Variants in ELFN1 observed in about 807,000 individuals in gnomAD.
The protein encoded by ELFN1 is extracellular leucine rich repeat and fibronectin type III domain containing 1.
In ELFN1, 6 loss-of-function variants were observed where a neutral mutation model predicts 7.6. That is an observed-to-expected ratio of 0.79 (90% CI 0.43 to 1.56). The LOEUF (loss-of-function observed/expected upper bound fraction) is 1.56, where lower values mean the gene tolerates loss of function less well. Ranked by LOEUF, ELFN1 falls within the 40% of genes most tolerant of loss-of-function variation. The probability of loss-of-function intolerance (pLI) is 0.01; values close to 1 mark genes in which losing one functional copy is unlikely to be tolerated. For synonymous variants in ELFN1, 657 were observed against 588.1 expected (o/e 1.12, Z -1.70); for missense variants, 1,169 against 1,232.2 (o/e 0.95, Z 0.77).
intron 1 of ELFN1, among the ~76,000 whole-genome samples, chr7:1,672,453 C>T (rs1004048185): frequency 2.4e-4 from 36 of 152,140 alleles, no homozygotes; most frequent in Middle Eastern, 3.2e-3. Flanking sequence ...TTGCCTGTCT[C>T]GGACCCCGGC....
intron 3 of ELFN1, among the ~76,000 whole-genome samples, chr7:1,711,982 T>G (rs1779670187): frequency 6.6e-6 from 1 of 152,152 alleles, no homozygotes. Context: ...TGTGGACAGT[T>G]AGGGCGAGGA....
At chr7:1,719,082 C>G (rs1205734573) in intron 3 of ELFN1, among the ~76,000 whole-genome samples, 9 of 152,002 alleles carry the variant, frequency 5.9e-5, no homozygotes, top group Non-Finnish European at 7.4e-5. Flanking sequence ...ATCTCCACCC[C>G]CAGGGGTTAC....
intron 1 of ELFN1, among the ~76,000 whole-genome samples, chr7:1,680,972 C>T (rs1459043382): frequency 6.6e-6 from 1 of 152,016 alleles, no homozygotes; most frequent in Non-Finnish European, 1.5e-5. Flanking sequence ...GAACTCCTGA[C>T]CTCAGGTGAT....
chr7:1,736,038 C>T (rs1376286756), intron 3 of ELFN1, among the ~76,000 whole-genome samples: 1 of 152,162 alleles, frequency 6.6e-6, no homozygotes, highest in Non-Finnish European at 1.5e-5. Flanking sequence ...AGGCGGGCCC[C>T]CCACCTGCTC....
chr7:1,711,017 G>C (rs1274907391), intron 3 of ELFN1, among the ~76,000 whole-genome samples: 1 of 152,226 alleles, frequency 6.6e-6, no homozygotes, highest in African/African-American at 2.4e-5. Context: ...GGCACAGTGG[G>C]CTGCCCCGCC....
rs911704310 is a variant in ELFN1 at position 1,674,966 on chromosome 7, C to T, written c.-549+4612C>T. Among the ~76,000 whole-genome samples the T allele has an allele frequency of 5.3e-5, 7 of 133,008 alleles. No individual in the cohort carries two copies. In the South Asian group the frequency reaches 7.0e-4, roughly 13 times the overall value. 87.3% of individuals were successfully genotyped at this position (133,008 alleles called of 152,430 possible). A position where few individuals can be genotyped will look rare whatever the true frequency, so the allele number is the denominator to read the frequency against. On this transcript the variant is annotated intron_variant, in intron 1 of 3. Coordinates refer to ENST00000424383, the MANE Select transcript of ELFN1 (RefSeq NM_001128636.4). ...ACTGAGGCGCAGACAGGGCAGTGGC[C>T]GCAAGCCACTGAGGCTTGCAGGCAG...
intron 1 of ELFN1, among the ~76,000 whole-genome samples, chr7:1,675,365 C>T (rs1445399804): frequency 2.0e-5 from 3 of 152,234 alleles, no homozygotes; most frequent in South Asian, 2.1e-4. Context: ...GTGCACACCC[C>T]GGCATTGCTG....
chr7:1,727,919 T>G (rs1433121423), intron 3 of ELFN1, among the ~76,000 whole-genome samples: 3 of 152,164 alleles, frequency 2.0e-5, no homozygotes, highest in African/African-American at 4.8e-5. Flanking sequence ...CCCCTAGTCC[T>G]TATTTGCAGC....
intron 3 of ELFN1, among the ~76,000 whole-genome samples, chr7:1,715,866 T>C (rs1779816006): frequency 6.6e-6 from 1 of 152,150 alleles, no homozygotes; most frequent in African/African-American, 2.4e-5. Context: ...GCCGCAGAGT[T>C]TGTCTTTCAG....
At chr7:1,744,259 C>G in intron 3 of ELFN1, 45 bp from the exon 4 acceptor site, 2 of 128,620 alleles carry the variant, frequency 1.6e-5, no homozygotes. Flanking sequence ...TGACCGCTGT[C>G]TTCTCTCTTG....
At chr7:1,701,986 G>T (rs1779437027) in intron 2 of ELFN1, among the ~76,000 whole-genome samples, 1 of 152,072 alleles carries the variant, frequency 6.6e-6, no homozygotes, top group African/African-American at 2.4e-5. Flanking sequence ...TTATTGAAAA[G>T]TTATGCCTCC....
Position 1,679,431 on chromosome 7 carries a change from G to T in ELFN1, c.-548-8627G>T, listed in dbSNP as rs747006066. ...GCCGTGGGCAGGGAACTCTGGGCCT[G>T]GGGCCAGGAGGACAGTCCCGGGGCC... is the stretch of plus-strand genomic sequence containing the variant. On this transcript the variant is annotated intron_variant, in intron 1 of 3. Coordinates refer to ENST00000424383, the MANE Select transcript of ELFN1 (RefSeq NM_001128636.4). Among the ~76,000 whole-genome samples the T allele has an allele frequency of 5.3e-5, 8 of 152,300 alleles. No individual in the cohort carries two copies. In the East Asian group the frequency reaches 1.5e-3, roughly 29 times the overall value.
upstream of ELFN1, among the ~76,000 whole-genome samples, chr7:1,666,840 G>A (rs1778678543): frequency 6.6e-6 from 1 of 151,864 alleles, no homozygotes; most frequent in Non-Finnish European, 1.5e-5. This position sits in a 1 kb window ranked among gnomAD's most constrained non-coding sequence, Gnocchi z 7.9. Context: ...CCTCCGGAGG[G>A]GGTGTTACGG....
chr7:1,743,853 G>A lies in ELFN1; in HGVS notation c.-293-451G>A, dbSNP rs184905238. ...GGCCTTCACACGCACATCCCTGGCC[G>A]CAGCCAGCCGGCGGAAGCCCAGTCA... On this transcript the variant is annotated intron_variant, in intron 3 of 3. Transcript: ENST00000424383. 1.1e-4 allele frequency among the ~76,000 whole-genome samples: 16 copies of A among 152,312 alleles called. No individual in the cohort carries two copies. The East Asian group carries it at 2.9e-3, about 28-fold the overall frequency.
At chr7:1,710,754 C>T (rs1779632194) in intron 3 of ELFN1, among the ~76,000 whole-genome samples, 1 of 152,254 alleles carries the variant, frequency 6.6e-6, no homozygotes, top group African/African-American at 2.4e-5. Flanking sequence ...GGGCAGGCTG[C>T]TCCCTGCCCA....
chr7:1,681,866 C>T (rs1778981243), intron 1 of ELFN1, among the ~76,000 whole-genome samples: 1 of 152,222 alleles, frequency 6.6e-6, no homozygotes, highest in Admixed American at 6.5e-5. Context: ...AACATCTTTT[C>T]ATGTGCTCAT....
chr7:1,669,237 G>A (rs961847238), upstream of ELFN1, among the ~76,000 whole-genome samples: 16 of 152,218 alleles, frequency 1.1e-4, no homozygotes, highest in Non-Finnish European at 2.2e-4. Flanking sequence ...TTTGAATTGA[G>A]TCAACTCTTT....
intron 3 of ELFN1, among the ~76,000 whole-genome samples, chr7:1,734,401 T>C (rs1031680337): frequency 1.3e-5 from 2 of 152,202 alleles, no homozygotes; most frequent in African/African-American, 2.4e-5. Context: ...CGTGGAAGCA[T>C]AACAGACCAT....
intron 3 of ELFN1, among the ~76,000 whole-genome samples, chr7:1,721,743 C>T (rs1365878170): frequency 6.6e-6 from 1 of 152,190 alleles, no homozygotes; most frequent in African/African-American, 2.4e-5. Context: ...AACCATCGCT[C>T]ACGATCTGCT....
Sources: gnomAD v4.1 joint callset for allele counts (sites outside exome capture counted in the v4.1 genomes callset) on GRCh38, gnomAD v4.1.1 for gene constraint, Gnocchi (gnomAD v3.1) non-coding constraint, MANE v1.5 for transcripts, NCBI Gene and HGNC (gene_info 2026-07-23, HGNC 2026-07-21) for gene names.